NRXN3: variants seen among roughly 807,000 people sequenced by gnomAD.
NRXN3 encodes neurexin III.
Under a neutral mutation model 137.6 loss-of-function variants are expected in NRXN3, and 32 were observed. The ratio of observed to expected loss-of-function variants is 0.23; its 90% CI spans 0.18 to 0.31. NRXN3 has a LOEUF of 0.31. NRXN3 is among the 10% of genes least tolerant of loss of function. The pLI, the probability that NRXN3 is intolerant of heterozygous loss-of-function variation, is 1.00. For synonymous variants in NRXN3, 798 were observed against 784.5 expected (o/e 1.02, Z -0.29); for missense variants, 1,574 against 2,062.5 (o/e 0.76, Z 4.59).
At chr14:78,574,320 G>T (rs1369240270) in intron 4 of NRXN3, among the ~76,000 whole-genome samples, 2 of 152,230 alleles carry the variant, frequency 1.3e-5, no homozygotes, top group Admixed American at 1.3e-4. Context: ...GTGAGTAGAG[G>T]ACTAGCATCC....
At chr14:78,178,473 G>A (rs537291988) in intron 1 of NRXN3, among the ~76,000 whole-genome samples, 1 of 152,174 alleles carries the variant, frequency 6.6e-6, no homozygotes, top group East Asian at 1.9e-4. Context: ...CATGCACCTT[G>A]TCTGAGGAGG....
At chr14:78,614,781 A>G (rs988412544) in intron 4 of NRXN3, among the ~76,000 whole-genome samples, 15 of 152,230 alleles carry the variant, frequency 9.9e-5, no homozygotes, top group South Asian at 2.1e-4. Flanking sequence ...TTCTGGGTCA[A>G]TTGTGCCCAA....
At chr14:78,230,994 G>C (rs1053095232) in intron 1 of NRXN3, among the ~76,000 whole-genome samples, 2 of 152,196 alleles carry the variant, frequency 1.3e-5, no homozygotes, top group Non-Finnish European at 2.9e-5. Flanking sequence ...AAGAGAAAAA[G>C]AAACACTGGT....
intron 8 of NRXN3, among the ~76,000 whole-genome samples, chr14:78,774,691 G>T (rs746706937): frequency 1.1e-4 from 16 of 152,152 alleles, no homozygotes; most frequent in Non-Finnish European, 2.1e-4. Context: ...GCTGAGGCAG[G>T]CAGATCGCTT....
chr14:78,634,410 GA>G (rs2152544822), intron 4 of NRXN3, among the ~76,000 whole-genome samples: 1 of 152,276 alleles, frequency 6.6e-6, no homozygotes, highest in East Asian at 1.9e-4. Flanking sequence ...GAAAAGGCAA[GA>G]AAAATTGCTG....
chr14:79,568,011 T>C (rs1179097852), intron 16 of NRXN3, among the ~76,000 whole-genome samples: 2 of 152,114 alleles, frequency 1.3e-5, no homozygotes, highest in Middle Eastern at 3.2e-3. Context: ...AAAACAAGAG[T>C]ACCTCTGTTT....
At chr14:78,272,640 A>C (rs575633023) in intron 2 of NRXN3, among the ~76,000 whole-genome samples, 3 of 152,188 alleles carry the variant, frequency 2.0e-5, no homozygotes, top group Non-Finnish European at 4.4e-5. Context: ...TACTTCTGTG[A>C]GATGCCCAAT....
chr14:79,190,164 G>T (rs117478881), intron 15 of NRXN3, among the ~76,000 whole-genome samples: 210 of 152,170 alleles, frequency 1.4e-3, no homozygotes, highest in Middle Eastern at 0.01. Flanking sequence ...AAATATTCTT[G>T]TCATGGAGAC....
intron 15 of NRXN3, among the ~76,000 whole-genome samples, chr14:79,172,760 G>C (rs900439350): frequency 6.6e-6 from 1 of 152,062 alleles, no homozygotes; most frequent in Admixed American, 6.5e-5. Context: ...AAATATCTGA[G>C]GATAGCCAAG....
chr14:79,828,316 T>C (rs1459776384), intron 20 of NRXN3, among the ~76,000 whole-genome samples: 1 of 151,894 alleles, frequency 6.6e-6, no homozygotes, highest in Non-Finnish European at 1.5e-5. Context: ...TGGAGGAAGG[T>C]TGGCTAGAAA....
chr14:79,664,799 T>C (rs779437371), intron 17 of NRXN3, among the ~76,000 whole-genome samples: 13 of 152,112 alleles, frequency 8.5e-5, no homozygotes, highest in Non-Finnish European at 1.9e-4. Context: ...CAAAGGGCCA[T>C]TGTTCCACAA....
intron 16 of NRXN3, among the ~76,000 whole-genome samples, chr14:79,566,031 A>G (rs1288806598): frequency 6.6e-6 from 1 of 152,108 alleles, no homozygotes; most frequent in East Asian, 1.9e-4. Flanking sequence ...AGTTTATTCT[A>G]ATCTTTTTCT....
chr14:78,938,937 T>TG (rs1491510442), intron 10 of NRXN3, among the ~76,000 whole-genome samples: 1 of 149,252 alleles, frequency 6.7e-6, no homozygotes, highest in Non-Finnish European at 1.5e-5. Context: ...CTCCGCCCCC[T>TG]GGGGTTCACG....
At chr14:79,243,298 G>A (rs2074598242) in intron 15 of NRXN3, among the ~76,000 whole-genome samples, 1 of 152,144 alleles carries the variant, frequency 6.6e-6, no homozygotes, top group Non-Finnish European at 1.5e-5. Context: ...ATCATACATA[G>A]GACAGCATCC....
chr14:79,551,721 C>T (rs898400540), intron 16 of NRXN3, among the ~76,000 whole-genome samples: 3 of 152,028 alleles, frequency 2.0e-5, no homozygotes, highest in Admixed American at 6.6e-5. Flanking sequence ...AACTGAAATG[C>T]GCAGAGGGGA....
rs184379077 is a variant in NRXN3 at position 79,592,442 on chromosome 14, T to G, written c.3445-71336T>G. Among the ~76,000 whole-genome samples, 449 of 152,300 alleles carry G rather than the reference T, an allele frequency of 2.9e-3. 1 individual carries two copies. Among genetic ancestry groups the G allele is most frequent in the African/African-American group, 0.01 (422 of 41,576 alleles). ...ATTCTTCAATTATTACCTTGAAGTT[T>G]TAATGTTTTTTAAAATAATGAATTG... On this transcript the variant is annotated intron_variant, in intron 16 of 20. Transcript: ENST00000335750.
At chr14:79,745,811 A>C (rs10129446) in intron 19 of NRXN3, among the ~76,000 whole-genome samples, 84,572 of 151,870 alleles carry the variant, frequency 0.56, 24,243 homozygotes, top group Middle Eastern at 0.67. Context: ...TGGTTTGCCC[A>C]GCAATCTTTG....
chr14:79,614,676 C>T (rs984806435), intron 16 of NRXN3, among the ~76,000 whole-genome samples: 5 of 152,116 alleles, frequency 3.3e-5, no homozygotes, highest in Non-Finnish European at 7.4e-5. Context: ...TTTCAGCAGC[C>T]TAATTGCTTC....
At chr14:79,084,104 G>T (rs1441364564) in intron 15 of NRXN3, among the ~76,000 whole-genome samples, 2 of 151,788 alleles carry the variant, frequency 1.3e-5, no homozygotes, top group Non-Finnish European at 2.9e-5. Flanking sequence ...TTGTAGAGAT[G>T]GGGGCCTCTA....
Sources: gnomAD v4.1 joint callset for allele counts (sites outside exome capture counted in the v4.1 genomes callset) on GRCh38, gnomAD v4.1.1 for gene constraint, MANE v1.5 for transcripts, NCBI Gene and HGNC (gene_info 2026-07-23, HGNC 2026-07-21) for gene names.